Variants in PRDM1 observed in about 807,000 individuals in gnomAD.
PRDM1 encodes the protein PR domain zinc finger protein 1.
In PRDM1, 13 loss-of-function variants were observed where a neutral mutation model predicts 62.8. That is an observed-to-expected ratio of 0.21 (90% CI 0.13 to 0.33). The LOEUF (loss-of-function observed/expected upper bound fraction) is 0.33, where lower values mean the gene tolerates loss of function less well. Ranked by LOEUF, PRDM1 falls within the 10% of genes least tolerant of loss-of-function variation. PRDM1 has a pLI of 1.00. For synonymous variants in PRDM1, 396 were observed against 417.6 expected (o/e 0.95, Z 0.63); for missense variants, 895 against 1,058.8 (o/e 0.85, Z 2.15).
rs556057313 is a variant in PRDM1 at position 106,048,617 on chromosome 6, G to A, written c.-164G>A. On this transcript the variant is annotated 5_prime_UTR_variant, in exon 1 of 7. Transcript: ENST00000651185. ...TGATATCCTTGAAAAAGACAGCTGA[G>A]TTCAGTTAGTGAACCTGCAGTAAAG... Among the ~76,000 whole-genome samples, 19 of 152,224 alleles carry A rather than the reference G, an allele frequency of 1.2e-4. No homozygotes were observed. The South Asian group carries it at 3.5e-3, about 28-fold the overall frequency.
chr6:106,049,518 G>A (rs906272978), intron 1 of PRDM1, among the ~76,000 whole-genome samples: 4 of 152,142 alleles, frequency 2.6e-5, no homozygotes, highest in Admixed American at 6.5e-5. Context: ...TCACAGCTTT[G>A]CTTGTCCAGC....
intron 1 of PRDM1, among the ~76,000 whole-genome samples, chr6:106,055,771 T>A (rs1295199158): frequency 1.3e-5 from 2 of 152,234 alleles, no homozygotes; most frequent in Non-Finnish European, 2.9e-5. Context: ...TTTCTTGCCA[T>A]GGTTCTGGAG....
upstream of PRDM1, among the ~76,000 whole-genome samples, chr6:106,044,218 T>C (rs1162703744): frequency 1.3e-5 from 2 of 150,292 alleles, no homozygotes; most frequent in Non-Finnish European, 3.0e-5. Context: ...TTTCTGTTCC[T>C]GCTCATGACT....
chr6:106,104,687 G>C, intron 4 of PRDM1, 138 bp from the exon 5 acceptor site: 2 of 1,115,940 alleles, frequency 1.8e-6, no homozygotes, highest in Non-Finnish European at 2.6e-6. Flanking sequence ...TAGAATGAGA[G>C]TGCGTTGGAA....
chr6:106,057,658 G>A (rs1041694150), intron 1 of PRDM1, among the ~76,000 whole-genome samples: 12 of 152,118 alleles, frequency 7.9e-5, no homozygotes, highest in Non-Finnish European at 1.8e-4. Flanking sequence ...CTGTTTCAAA[G>A]GAAAGCATGT....
intron 1 of PRDM1, among the ~76,000 whole-genome samples, chr6:106,080,933 G>C (rs1376740748): frequency 6.6e-6 from 1 of 152,202 alleles, no homozygotes; most frequent in African/African-American, 2.4e-5. Flanking sequence ...CTTCCCCGGG[G>C]TGCCTGCTTG....
intron 1 of PRDM1, among the ~76,000 whole-genome samples, chr6:106,080,090 G>C (rs559940311): frequency 1.3e-5 from 2 of 152,318 alleles, no homozygotes; most frequent in Admixed American, 6.5e-5. Flanking sequence ...TGTTTAGATA[G>C]AATTACATCC....
Position 106,025,399 on chromosome 6 carries a change from C to T in PRDM1, c.-67+31760C>T, listed in dbSNP as rs1218652369. Among the ~76,000 whole-genome samples, 4 of 152,200 alleles carry T rather than the reference C, an allele frequency of 2.6e-5. No individual in the cohort carries two copies. The South Asian group carries it at 8.3e-4, about 32-fold the overall frequency. On this transcript the variant is annotated intron_variant, in intron 1 of 6. Coordinates refer to the PRDM1 transcript ENST00000652320. The stretch of plus-strand genomic sequence containing the variant: ...CTAATTTGTCATAAAAGATCCATAA[C>T]TTTCAGCCCACTGATTTTCCTCAGG...
At chr6:106,093,240 C>G (rs923934373) in intron 2 of PRDM1, among the ~76,000 whole-genome samples, 4 of 152,028 alleles carry the variant, frequency 2.6e-5, no homozygotes, top group Admixed American at 2.6e-4. Context: ...TTTTTGGGCA[C>G]AAGAAAATGT....
At chr6:106,015,733 A>ATCT (rs1772611399) in intron 1 of PRDM1, among the ~76,000 whole-genome samples, 1 of 151,904 alleles carries the variant, frequency 6.6e-6, no homozygotes, top group Admixed American at 6.6e-5. Flanking sequence ...CTTAAATCCC[A>ATCT]TCTTATTTTG....
intron 1 of PRDM1, among the ~76,000 whole-genome samples, chr6:106,029,296 T>A (rs1772808137): frequency 6.6e-6 from 1 of 152,240 alleles, no homozygotes; most frequent in East Asian, 1.9e-4. Flanking sequence ...AGTTAATTTA[T>A]ATGTATGGTG....
chr6:106,005,624 T>TC (rs2114545736), intron 1 of PRDM1, among the ~76,000 whole-genome samples: 1 of 152,346 alleles, frequency 6.6e-6, no homozygotes, highest in Non-Finnish European at 1.5e-5. Flanking sequence ...TTTCAATTTT[T>TC]CACACATTGC....
chr6:106,028,900 T>A (rs941239219), intron 1 of PRDM1, among the ~76,000 whole-genome samples: 3 of 151,638 alleles, frequency 2.0e-5, no homozygotes, highest in African/African-American at 7.3e-5. Context: ...TATTTCCCTA[T>A]GTTTTCTTTC....
intron 3 of PRDM1, chr6:106,098,656 C>A: frequency 7.4e-7 from 1 of 1,343,740 alleles, no homozygotes; most frequent in Non-Finnish European, 9.9e-7. Flanking sequence ...GGGCTGCTGC[C>A]CGAGTGTTCG....
intron 1 of PRDM1, among the ~76,000 whole-genome samples, chr6:106,058,639 C>A (rs181898176): frequency 6.9e-4 from 105 of 152,252 alleles, no homozygotes; most frequent in African/African-American, 2.3e-3. Context: ...GTGGCGCAAT[C>A]TCGGCTCACC....
Position 106,109,015 on chromosome 6 carries a change from T to C in PRDM1, c.*1529T>C, listed in dbSNP as rs190159708. 119 of 204,972 alleles carry C rather than the reference T, an allele frequency of 5.8e-4. No homozygotes were observed. Among genetic ancestry groups the C allele is most frequent in the African/African-American group, 2.7e-3 (115 of 42,600 alleles). The allele number at this position is 204,972 out of a possible 1,614,324, so 12.7% of individuals were successfully genotyped here. ...ATATTTATAAATCTATTTATACCAC[T>C]ATATCATATGTATATATATTTATAA... On this transcript the variant is annotated 3_prime_UTR_variant, in exon 7 of 7. Coordinates refer to ENST00000369096, the MANE Select transcript of PRDM1 (RefSeq NM_001198.4).
chr6:106,107,502 CTTATT>C lies in PRDM1; in HGVS notation c.*19_*23del, dbSNP rs1288249921. The C allele has an allele frequency of 1.3e-6, 2 of 1,575,188 alleles. No individual in the cohort carries two copies. The highest frequency in any genetic ancestry group is 1.7e-6 in the Non-Finnish European group (2 of 1,159,394). ...GGATCCTTAAGATTTTCAGAAAACA[CTTATT>C]TTGTTTCTTAAGTTATGACTTGGTG... is the stretch of plus-strand genomic sequence containing the variant. On this transcript the variant is annotated 3_prime_UTR_variant, in exon 7 of 7. Transcript: ENST00000369096.
chr6:106,017,491 C>A (rs1772636947), intron 1 of PRDM1, among the ~76,000 whole-genome samples: 1 of 152,162 alleles, frequency 6.6e-6, no homozygotes, highest in African/African-American at 2.4e-5. Flanking sequence ...AGAGGGTGAC[C>A]TGCGCACCTC....
At chr6:106,033,549 C>T (rs957415204) in intron 1 of PRDM1, among the ~76,000 whole-genome samples, 6 of 152,066 alleles carry the variant, frequency 3.9e-5, no homozygotes, top group African/African-American at 1.2e-4. Flanking sequence ...CTCCTGGCCT[C>T]AAGCAATCCT....
Sources: allele counts gnomAD v4.1 joint callset (sites outside exome capture counted in the v4.1 genomes callset), GRCh38; gene constraint gnomAD v4.1.1; transcripts MANE v1.5; gene names NCBI Gene and HGNC (gene_info 2026-07-23, HGNC 2026-07-21).